Variants in ZNF568 observed in about 807,000 individuals in gnomAD.
ZNF568 encodes zinc finger protein 568, also known as p53 inhibitor of SCO2 activation.
ZNF568 carries 11 observed loss-of-function variants against 18.1 expected under a neutral mutation model. The observed-to-expected ratio is 0.61, with a 90% CI of 0.38 to 1.00. The LOEUF is 1.00. Ranked by LOEUF, ZNF568 falls within the 50% of genes least tolerant of loss-of-function variation. The probability of loss-of-function intolerance (pLI) is 0.01; values close to 1 mark genes in which losing one functional copy is unlikely to be tolerated. For synonymous variants in ZNF568, 213 were observed against 246.6 expected (o/e 0.86, Z 1.28); for missense variants, 639 against 768.2 (o/e 0.83, Z 1.99).
intron 6 of ZNF568, among the ~76,000 whole-genome samples, chr19:36,940,267 A>T (rs2073858712): frequency 6.6e-6 from 1 of 152,228 alleles, no homozygotes; most frequent in Non-Finnish European, 1.5e-5. Context: ...GCCATTAATT[A>T]TGAGTGCTCT....
At chr19:36,997,583 G>T, downstream of ZNF568, 1 of 1,571,358 alleles carries the variant, frequency 6.4e-7, no homozygotes. Flanking sequence ...TTTGGTGGTG[G>T]CTCAGAACTT....
chr19:36,987,565 G>A (rs1035817100), intron 2 of ZNF568, among the ~76,000 whole-genome samples: 1 of 152,136 alleles, frequency 6.6e-6, no homozygotes. Context: ...CAGGTATCCT[G>A]TGCTCCTGGG....
At chr19:36,997,277 ATAC>A (rs773809602), downstream of ZNF568, 8 of 1,602,838 alleles carry the variant, frequency 5.0e-6, no homozygotes, top group South Asian at 8.9e-5. Flanking sequence ...CAGAGTGTCC[ATAC>A]TGGGGAGAAA....
chr19:36,956,699 C>T (rs774838301), downstream of ZNF568, among the ~76,000 whole-genome samples: 5 of 151,826 alleles, frequency 3.3e-5, no homozygotes, highest in South Asian at 2.1e-4. Flanking sequence ...CAGGCTCAAG[C>T]GATTCTCATG....
chr19:36,985,054 T>G (rs1290394747), intron 2 of ZNF568, among the ~76,000 whole-genome samples: 1 of 152,092 alleles, frequency 6.6e-6, no homozygotes, highest in East Asian at 1.9e-4. Context: ...GAACTTCAGT[T>G]AAATATCTAT....
exon 3 of ZNF568, chr19:36,991,255 A>T (rs1272146889): frequency 1.3e-6 from 2 of 1,535,984 alleles, no homozygotes; most frequent in African/African-American, 1.4e-5. Flanking sequence ...AAGGATTTGT[A>T]CCGAGATGTA....
chr19:36,980,914 C>T (rs1475941315), downstream of ZNF568, among the ~76,000 whole-genome samples: 1 of 152,182 alleles, frequency 6.6e-6, no homozygotes, highest in Non-Finnish European at 1.5e-5. Flanking sequence ...TAGGTGTGGC[C>T]AGCCCCAAGC....
intron 4 of ZNF568, among the ~76,000 whole-genome samples, chr19:36,925,935 G>A (rs2073546040): frequency 6.6e-6 from 1 of 152,064 alleles, no homozygotes. Flanking sequence ...AATTCTACAT[G>A]GTTTCCTAGG....
intron 6 of ZNF568, among the ~76,000 whole-genome samples, chr19:36,961,373 T>C (rs2074148587): frequency 6.6e-6 from 1 of 151,938 alleles, no homozygotes; most frequent in South Asian, 2.1e-4. Flanking sequence ...TTTCATGGAA[T>C]ATCTTTTTCC....
chr19:36,930,628 CT>C (rs2073671742), intron 4 of ZNF568, among the ~76,000 whole-genome samples: 1 of 152,148 alleles, frequency 6.6e-6, no homozygotes, highest in African/African-American at 2.4e-5. Flanking sequence ...TAGTTTTCCC[CT>C]ATCTTTGTTG....
At position 36,948,658 on chromosome 19, in the gene ZNF568, A is replaced by ATTTTTTTTTTTTTTTTTTTT. The variant is rs4069585; in HGVS notation, c.359-848_359-829dup. Among the ~76,000 whole-genome samples the ATTTTTTTTTTTTTTTTTTTT allele has an allele frequency of 2.2e-4, 18 of 83,566 alleles. 1 individual carries two copies. Among genetic ancestry groups the ATTTTTTTTTTTTTTTTTTTT allele is most frequent in the African/African-American group, 4.8e-4 (10 of 21,006 alleles). The allele number at this position is 83,566 out of a possible 152,430, so 54.8% of individuals were successfully genotyped here. On this transcript the variant is annotated intron_variant, in intron 6 of 6. Transcript: ENST00000333987. The stretch of plus-strand genomic sequence containing the variant: ...TTGCAGCAGGGGTTTTTTGTTGTTG[A>ATTTTTTTTTTTTTTTTTTTT]TTTTTTTTTTTTTTTTTTTTTTTTT...
chr19:36,986,248 G>A (rs1644672), intron 2 of ZNF568, among the ~76,000 whole-genome samples: 81,030 of 151,870 alleles, frequency 0.53, 22,145 homozygotes, highest in African/African-American at 0.62. Context: ...TGCCACATCT[G>A]GTTTTCCCTT....
In ZNF568 at chr19:36,949,932, G is replaced by A; in HGVS notation, c.779G>A (p.Ser260Asn). 2 of 1,613,846 alleles carry A rather than the reference G, an allele frequency of 1.2e-6. No homozygotes were observed. The highest frequency in any genetic ancestry group is 1.1e-5 in the South Asian group (1 of 91,062). ...YECKECGKAFSRKENLITHQK... is the reference protein window; with the variant it reads ...YECKECGKAFNRKENLITHQK... Reference sequence around the variant, plus strand: ...TGTAAAGAATGTGGAAAAGCCTTCAGTAGGAAGGAAAATCTTATTACACAT... The same window carrying A: ...TGTAAAGAATGTGGAAAAGCCTTCAATAGGAAGGAAAATCTTATTACACAT... The change falls in exon 7 of 7, where the codon AGT becomes AAT. Residue 260 changes from serine to asparagine, a missense_variant. By Grantham distance (46) the Ser-to-Asn change is conservative. Coordinates refer to ENST00000333987, the MANE Select transcript of ZNF568 (RefSeq NM_198539.4).
rs1385158482 is a variant in ZNF568 at position 36,963,023 on chromosome 19, CTT to C, written c.359-11396_359-11395del. Among the ~76,000 whole-genome samples, 18 of 152,088 alleles carry C rather than the reference CTT, an allele frequency of 1.2e-4. 1 individual carries two copies. The highest frequency in any genetic ancestry group is 2.0e-4 in the Admixed American group (3 of 15,266). ...CTTCTGTATCTGGATGTCTGAATCT[CTT>C]GTTAGGCTTTGGAAGTTTTCATCCA... On this transcript the variant is annotated intron_variant, in intron 6 of 7. Coordinates refer to the ZNF568 transcript ENST00000427117.
downstream of ZNF568, among the ~76,000 whole-genome samples, chr19:36,955,444 C>G (rs748789790): frequency 2.8e-4 from 42 of 152,208 alleles, no homozygotes; most frequent in Non-Finnish European, 4.6e-4. Context: ...GGTAAAGTGC[C>G]TCAGAGTAGG....
At chr19:36,917,375 C>T (rs1018419087) in intron 1 of ZNF568, among the ~76,000 whole-genome samples, 3 of 152,286 alleles carry the variant, frequency 2.0e-5, no homozygotes, top group South Asian at 2.1e-4. Flanking sequence ...AAAGTTACCT[C>T]GCAAAGAGTA....
intron 6 of ZNF568, among the ~76,000 whole-genome samples, chr19:36,962,277 G>A (rs200944817): frequency 2.2e-5 from 1 of 45,266 alleles, no homozygotes; most frequent in Admixed American, 3.6e-4. Context: ...GTGTTGCAGT[G>A]TTTTTTTTTT....
At chr19:36,955,450 G>A (rs893230619), downstream of ZNF568, among the ~76,000 whole-genome samples, 2 of 152,110 alleles carry the variant, frequency 1.3e-5, no homozygotes, top group Admixed American at 6.5e-5. Flanking sequence ...GTGCCTCAGA[G>A]TAGGTCTAAA....
intron 3 of ZNF568, among the ~76,000 whole-genome samples, chr19:36,923,535 T>C (rs1042776270): frequency 4.0e-5 from 6 of 151,466 alleles, no homozygotes; most frequent in Admixed American, 6.6e-5. Flanking sequence ...TCTTGCAATA[T>C]GAGAACTTTA....
Sources: gnomAD v4.1 joint callset for allele counts (sites outside exome capture counted in the v4.1 genomes callset) on GRCh38, gnomAD v4.1.1 for gene constraint, MANE v1.5 for transcripts, NCBI Gene and HGNC (gene_info 2026-07-23, HGNC 2026-07-21) for gene names.